Variants in ADARB1 observed in about 807,000 individuals in gnomAD.
ADARB1 encodes the protein adenosine deaminase RNA specific B1.
ADARB1 carries 10 observed loss-of-function variants against 52.4 expected under a neutral mutation model. The ratio of observed to expected loss-of-function variants is 0.19; its 90% CI spans 0.12 to 0.32. ADARB1 has a LOEUF of 0.32. ADARB1 is among the 10% of genes least tolerant of loss of function. The pLI, the probability that ADARB1 is intolerant of heterozygous loss-of-function variation, is 1.00. For missense variants in ADARB1, 643 were observed against 922.3 expected (o/e 0.70, Z 3.92); for synonymous variants, 349 against 371.1 (o/e 0.94, Z 0.68).
At chr21:45,202,633 C>T (rs1158884612) in intron 8 of ADARB1, among the ~76,000 whole-genome samples, 2 of 152,192 alleles carry the variant, frequency 1.3e-5, no homozygotes, top group Non-Finnish European at 2.9e-5. Context: ...GATCTAAGCC[C>T]GAATGTTTCT....
chr21:45,084,209 AAGTC>A (rs1288754584), intron 1 of ADARB1, among the ~76,000 whole-genome samples: 2 of 152,208 alleles, frequency 1.3e-5, no homozygotes, highest in Non-Finnish European at 2.9e-5. Context: ...AGACTATTGT[AAGTC>A]AGAGTCAAAT....
At chr21:45,075,813 C>T (rs961258740) in intron 1 of ADARB1, among the ~76,000 whole-genome samples, 1 of 152,206 alleles carries the variant, frequency 6.6e-6, no homozygotes, top group Non-Finnish European at 1.5e-5. Flanking sequence ...TGGGCTGTTA[C>T]TTCTGATACA....
chr21:45,138,583 A>G (rs1401462023), intron 2 of ADARB1, among the ~76,000 whole-genome samples: 1 of 152,024 alleles, frequency 6.6e-6, no homozygotes, highest in Non-Finnish European at 1.5e-5. Context: ...GCATATTTTC[A>G]CCTGTCTTTC....
intron 2 of ADARB1, among the ~76,000 whole-genome samples, chr21:45,130,439 A>G (rs2088861281): frequency 2.0e-5 from 3 of 152,222 alleles, no homozygotes; most frequent in African/African-American, 7.2e-5. Flanking sequence ...CGACATGATG[A>G]GTCATATCTC....
intron 2 of ADARB1, among the ~76,000 whole-genome samples, chr21:45,156,374 C>T (rs1265876358): frequency 5.3e-5 from 8 of 150,172 alleles, no homozygotes; most frequent in African/African-American, 7.3e-5. Context: ...CATCATCACC[C>T]ATCACCCATC....
intron 7 of ADARB1, among the ~76,000 whole-genome samples, chr21:45,184,037 A>G (rs2146214514): frequency 6.6e-6 from 1 of 152,342 alleles, no homozygotes; most frequent in South Asian, 2.1e-4. Context: ...TATTCCAAAT[A>G]GAACGTTTTA....
intron 3 of ADARB1, 82 bp downstream of exon 3, chr21:45,171,766 GA>G: frequency 7.7e-7 from 1 of 1,300,002 alleles, no homozygotes; most frequent in South Asian, 1.3e-5. Context: ...TATTTCATGA[GA>G]CCAGTGTGGG....
intron 9 of ADARB1, among the ~76,000 whole-genome samples, chr21:45,207,510 G>A (rs183950365): frequency 6.6e-6 from 1 of 152,302 alleles, no homozygotes; most frequent in Admixed American, 6.5e-5. Context: ...AAAATCTGGA[G>A]AGGCAAATGT....
chr21:45,211,642 A>T (rs1025468625), intron 9 of ADARB1, among the ~76,000 whole-genome samples: 10 of 152,212 alleles, frequency 6.6e-5, no homozygotes, highest in African/African-American at 2.2e-4. Flanking sequence ...TGAGTTTTTT[A>T]ATTGTAGCAG....
At chr21:45,181,640 TCACCTTCTGGGAA>T (rs2091937113) in intron 5 of ADARB1, 1 of 152,332 alleles carries the variant, frequency 6.6e-6, no homozygotes, top group Non-Finnish European at 1.5e-5. Flanking sequence ...AAGAGGCCGA[TCACCTTCTGGGAA>T]CACCTTACAT....
intron 8 of ADARB1, among the ~76,000 whole-genome samples, chr21:45,185,643 T>G (rs879295133): frequency 1.3e-5 from 2 of 152,218 alleles, no homozygotes; most frequent in South Asian, 2.1e-4. Context: ...CTGGGAGATA[T>G]TCATCTTTCA....
chr21:45,149,754 A>G (rs551333161), intron 2 of ADARB1, among the ~76,000 whole-genome samples: 15 of 152,368 alleles, frequency 9.8e-5, no homozygotes, highest in African/African-American at 3.6e-4. Flanking sequence ...ATGACTAATC[A>G]TGTTTTATAT....
At chr21:45,113,190 C>T (rs564439911) in intron 1 of ADARB1, among the ~76,000 whole-genome samples, 62 of 152,000 alleles carry the variant, frequency 4.1e-4, no homozygotes, top group African/African-American at 1.4e-3. Flanking sequence ...TTTGGGAGGC[C>T]GAGGTGGGTG....
At chr21:45,080,180 G>A (rs1206018721) in intron 1 of ADARB1, among the ~76,000 whole-genome samples, 2 of 152,124 alleles carry the variant, frequency 1.3e-5, no homozygotes, top group African/African-American at 2.4e-5. Context: ...CAGTGTAGAC[G>A]ACTCTCTAGA....
In ADARB1 at chr21:45,176,683, G is replaced by A. The variant is rs771999722; in HGVS notation, c.963+19G>A. On this transcript the variant is annotated intron_variant, in intron 4 of 10. Transcript: ENST00000348831. This position sits in a 1 kb window ranked among gnomAD's most constrained non-coding sequence, Gnocchi z 5.8. Reference sequence around the variant, plus strand: ...ACCGCAGGTGAGGAACTATGCTGCTGCTTTAAAACACGGGGTCATTGCTCT... The same window carrying A: ...ACCGCAGGTGAGGAACTATGCTGCTACTTTAAAACACGGGGTCATTGCTCT... 2 of 1,574,050 alleles carry A rather than the reference G, an allele frequency of 1.3e-6. No individual in the cohort carries two copies. Among genetic ancestry groups the A allele is most frequent in the Admixed American group, 3.7e-5 (2 of 54,146 alleles).
chr21:45,162,357 A>T (rs962863237), intron 2 of ADARB1, among the ~76,000 whole-genome samples: 1 of 152,092 alleles, frequency 6.6e-6, no homozygotes, highest in Non-Finnish European at 1.5e-5. Flanking sequence ...GCCTGGCTGT[A>T]CACAATGGCT....
At chr21:45,129,099 T>C (rs1366928633) in intron 2 of ADARB1, among the ~76,000 whole-genome samples, 1 of 151,996 alleles carries the variant, frequency 6.6e-6, no homozygotes, top group Non-Finnish European at 1.5e-5. Context: ...GGTGTGATGG[T>C]GCACGCTTGT....
chr21:45,123,641 C>T (rs1396437087), intron 1 of ADARB1, among the ~76,000 whole-genome samples: 2 of 151,906 alleles, frequency 1.3e-5, no homozygotes, highest in Admixed American at 6.6e-5. Context: ...CACTCTGTCA[C>T]TCAGGCTGGA....
intron 1 of ADARB1, among the ~76,000 whole-genome samples, chr21:45,125,491 C>A (rs539505213): frequency 4.6e-5 from 7 of 152,248 alleles, no homozygotes; most frequent in Non-Finnish European, 1.0e-4. Context: ...AGACAGTGTT[C>A]CCAGAAATAG....
Sources: allele counts gnomAD v4.1 joint callset (sites outside exome capture counted in the v4.1 genomes callset), GRCh38; gene constraint gnomAD v4.1.1; non-coding constraint Gnocchi (gnomAD v3.1); transcripts MANE v1.5; gene names NCBI Gene and HGNC (gene_info 2026-07-23, HGNC 2026-07-21).